The following RSRC1 variants were observed in gnomAD, a reference collection of about 807,000 sequenced individuals.
RSRC1 encodes the protein arginine and serine rich coiled-coil 1.
In RSRC1, 39 loss-of-function variants were observed where a neutral mutation model predicts 49.1. The ratio of observed to expected loss-of-function variants is 0.79; its 90% CI spans 0.61 to 1.04. The LOEUF is 1.04. RSRC1 is among the 50% of genes least tolerant of loss of function. RSRC1 has a pLI of 0.00. For synonymous variants in RSRC1, 143 were observed against 130.8 expected (o/e 1.09, Z -0.63); for missense variants, 388 against 402.4 (o/e 0.96, Z 0.31).
intron 4 of RSRC1, among the ~76,000 whole-genome samples, chr3:158,220,418 T>C (rs1270618571): frequency 6.6e-6 from 1 of 151,554 alleles, no homozygotes; most frequent in Non-Finnish European, 1.5e-5. Flanking sequence ...TCCAAATTTG[T>C]TCTTCTGACG....
At chr3:158,340,425 T>C (rs993427517) in intron 5 of RSRC1, among the ~76,000 whole-genome samples, 7 of 151,910 alleles carry the variant, frequency 4.6e-5, no homozygotes, top group Non-Finnish European at 8.8e-5. Flanking sequence ...CCTGTAGTCC[T>C]AGCTACTCAG....
chr3:158,529,384 C>A (rs1712248284), intron 7 of RSRC1, among the ~76,000 whole-genome samples: 3 of 151,614 alleles, frequency 2.0e-5, no homozygotes, highest in Non-Finnish European at 4.4e-5. Context: ...GTAAAGAATT[C>A]ATTTGACTGG....
intron 3 of RSRC1, among the ~76,000 whole-genome samples, chr3:158,130,336 C>A (rs531758838): frequency 6.6e-6 from 1 of 152,108 alleles, no homozygotes; most frequent in Non-Finnish European, 1.5e-5. Flanking sequence ...AACATTCAGT[C>A]TATAGCATAC....
At chr3:158,164,365 A>G (rs1213834667) in intron 3 of RSRC1, among the ~76,000 whole-genome samples, 1 of 151,948 alleles carries the variant, frequency 6.6e-6, no homozygotes, top group Non-Finnish European at 1.5e-5. Flanking sequence ...TTCCAAATAA[A>G]TTGTTTTTGT....
At chr3:158,230,763 A>G (rs1722901292) in intron 4 of RSRC1, among the ~76,000 whole-genome samples, 6 of 151,780 alleles carry the variant, frequency 4.0e-5, no homozygotes, top group Admixed American at 3.9e-4. Context: ...GATTACTCTC[A>G]TTGTTTTTAT....
intron 6 of RSRC1, among the ~76,000 whole-genome samples, chr3:158,425,009 G>T (rs1735325053): frequency 6.6e-6 from 1 of 150,706 alleles, no homozygotes; most frequent in South Asian, 2.1e-4. Flanking sequence ...TATCAATTTT[G>T]TTGATCCTTT....
chr3:158,119,832 CTTTT>C (rs35646318), intron 1 of RSRC1, among the ~76,000 whole-genome samples: 1 of 129,074 alleles, frequency 7.7e-6, no homozygotes, highest in South Asian at 2.4e-4. Context: ...ATTTCATAGT[CTTTT>C]TTTTTTTTTT....
intron 6 of RSRC1, among the ~76,000 whole-genome samples, chr3:158,411,172 A>G (rs916465408): frequency 1.3e-5 from 2 of 152,062 alleles, no homozygotes; most frequent in African/African-American, 4.8e-5. Flanking sequence ...ACATATTACA[A>G]ACTTTTTTTA....
intron 6 of RSRC1, among the ~76,000 whole-genome samples, chr3:158,386,361 A>G (rs1453997875): frequency 6.6e-6 from 1 of 152,058 alleles, no homozygotes; most frequent in Non-Finnish European, 1.5e-5. Context: ...TAAAATATTT[A>G]TTTTAAAATT....
chr3:158,424,483 G>C (rs1375841988), intron 6 of RSRC1, among the ~76,000 whole-genome samples: 2 of 150,520 alleles, frequency 1.3e-5, no homozygotes, highest in Non-Finnish European at 3.0e-5. Flanking sequence ...CGGTTTGCCA[G>C]TATTTTATTG....
intron 4 of RSRC1, among the ~76,000 whole-genome samples, chr3:158,261,062 A>G (rs1461980046): frequency 6.6e-6 from 1 of 152,162 alleles, no homozygotes; most frequent in African/African-American, 2.4e-5. Flanking sequence ...CTTTTCAAAG[A>G]TGCATTTTTG....
intron 7 of RSRC1, among the ~76,000 whole-genome samples, chr3:158,508,282 T>C (rs908358950): frequency 6.6e-6 from 1 of 152,096 alleles, no homozygotes; most frequent in Admixed American, 6.6e-5. Flanking sequence ...ATTTCTGTTA[T>C]TCGTTTTCCT....
In RSRC1 at chr3:158,172,296, A is replaced by G. The variant is rs937150152; in HGVS notation, c.321-30776A>G. On this transcript the variant is annotated intron_variant, in intron 3 of 9. Transcript: ENST00000611884. ...CAAACTGCTAAAAAACGTAAAGGAG[A>G]ATTATTTTAACTGTTCACAATTTTA... 4.6e-5 allele frequency among the ~76,000 whole-genome samples: 7 copies of G among 152,140 alleles called. No individual in the cohort carries two copies. In the South Asian group the frequency reaches 6.2e-4, roughly 14 times the overall value.
chr3:158,295,413 G>T (rs1214807897), intron 4 of RSRC1, among the ~76,000 whole-genome samples: 1 of 152,100 alleles, frequency 6.6e-6, no homozygotes, highest in East Asian at 1.9e-4. Context: ...TTTAAGAAGA[G>T]AATTGACATG....
chr3:158,326,264 A>G (rs953833450), intron 5 of RSRC1, among the ~76,000 whole-genome samples: 2 of 152,094 alleles, frequency 1.3e-5, no homozygotes, highest in Non-Finnish European at 2.9e-5. Flanking sequence ...TTCCAACACT[A>G]TGTTGAATAG....
In RSRC1 at chr3:158,111,857, C is replaced by T. The variant is rs537642867; in HGVS notation, c.-3+1634C>T. On this transcript the variant is annotated intron_variant, in intron 1 of 9. Coordinates refer to ENST00000611884, the MANE Select transcript of RSRC1 (RefSeq NM_001271838.2). ...CTGAAAGAGATAACTGCTTCTTGTA[C>T]CCTTATCAATAACTGGACAAAGGAA... Among the ~76,000 whole-genome samples the T allele has an allele frequency of 6.6e-5, 10 of 152,272 alleles. 1 individual carries two copies. In the South Asian group the frequency reaches 1.9e-3, roughly 28 times the overall value.
intron 7 of RSRC1, among the ~76,000 whole-genome samples, chr3:158,501,328 T>G (rs1467396204): frequency 1.3e-5 from 2 of 152,190 alleles, no homozygotes; most frequent in Admixed American, 6.5e-5. Context: ...ATAGAATGTG[T>G]ATTCTGGGGT....
chr3:158,166,232 A>G (rs1718523783), intron 3 of RSRC1, among the ~76,000 whole-genome samples: 1 of 152,200 alleles, frequency 6.6e-6, no homozygotes, highest in African/African-American at 2.4e-5. Context: ...AATAATTTAG[A>G]AATCTTTGAA....
intron 7 of RSRC1, among the ~76,000 whole-genome samples, chr3:158,468,770 A>G (rs942468747): frequency 6.6e-6 from 1 of 152,174 alleles, no homozygotes; most frequent in African/African-American, 2.4e-5. Context: ...TAAAAGTATG[A>G]GATTCTCTTT....
Sources: gnomAD v4.1 joint callset for allele counts (sites outside exome capture counted in the v4.1 genomes callset) on GRCh38, gnomAD v4.1.1 for gene constraint, MANE v1.5 for transcripts, NCBI Gene and HGNC (gene_info 2026-07-23, HGNC 2026-07-21) for gene names.